Variants in UBE2E2 observed in about 807,000 individuals in gnomAD.
UBE2E2 encodes ubiquitin conjugating enzyme E2 E2.
In UBE2E2, 6 loss-of-function variants were observed where a neutral mutation model predicts 24.7. That is an observed-to-expected ratio of 0.24 (90% confidence interval 0.13 to 0.48). UBE2E2 has a LOEUF of 0.48. Ranked by LOEUF, UBE2E2 falls within the 20% of genes least tolerant of loss-of-function variation. UBE2E2 has a pLI of 0.99. For missense variants in UBE2E2, 169 were observed against 245.0 expected (o/e 0.69, Z 2.07); for synonymous variants, 104 against 83.6 (o/e 1.24, Z -1.33).
At chr3:23,242,344 G>A (rs1490759556) in intron 3 of UBE2E2, among the ~76,000 whole-genome samples, 1 of 151,776 alleles carries the variant, frequency 6.6e-6, no homozygotes, top group Non-Finnish European at 1.5e-5. Context: ...CTTCAGGTGA[G>A]GTGTGAGTCA....
At chr3:23,408,584 T>C (rs1697423920) in intron 3 of UBE2E2, among the ~76,000 whole-genome samples, 2 of 152,148 alleles carry the variant, frequency 1.3e-5, no homozygotes, top group Admixed American at 6.5e-5. Context: ...TAAATCTTCT[T>C]GCTAAGATAT....
At chr3:23,272,186 G>A (rs983318799) in intron 3 of UBE2E2, among the ~76,000 whole-genome samples, 16 of 152,278 alleles carry the variant, frequency 1.1e-4, no homozygotes, top group African/African-American at 3.8e-4. Context: ...GGTGGCTGAG[G>A]CCTGGCGAGA....
At chr3:23,300,402 G>A (rs1699039632) in intron 3 of UBE2E2, among the ~76,000 whole-genome samples, 1 of 152,192 alleles carries the variant, frequency 6.6e-6, no homozygotes, top group Admixed American at 6.5e-5. Context: ...AATTTGGCAT[G>A]TTTTTGCAGT....
intron 3 of UBE2E2, among the ~76,000 whole-genome samples, chr3:23,492,423 A>G (rs570103614): frequency 1.3e-5 from 2 of 152,164 alleles, no homozygotes; most frequent in African/African-American, 2.4e-5. Context: ...GGGACTGAAC[A>G]CCTATTCTTC....
intron 3 of UBE2E2, among the ~76,000 whole-genome samples, chr3:23,439,988 G>A (rs200707141): frequency 2.1e-4 from 23 of 110,920 alleles, no homozygotes; most frequent in Admixed American, 3.3e-4. Flanking sequence ...AAAAAAAAAA[G>A]AGGCTGGGCA....
chr3:23,441,556 AATTG>A (rs1389517819), intron 3 of UBE2E2, among the ~76,000 whole-genome samples: 5 of 147,914 alleles, frequency 3.4e-5, no homozygotes, highest in African/African-American at 1.3e-4. Context: ...AAAAAAAAAG[AATTG>A]GGTAAGGAAA....
chr3:23,365,660 T>C (rs950441046), intron 3 of UBE2E2, among the ~76,000 whole-genome samples: 4 of 152,124 alleles, frequency 2.6e-5, no homozygotes, highest in African/African-American at 9.7e-5. Flanking sequence ...ATAGGAAGAA[T>C]CAAGATTGTT....
intron 3 of UBE2E2, among the ~76,000 whole-genome samples, chr3:23,271,729 A>G (rs1698248420): frequency 6.6e-6 from 1 of 152,148 alleles, no homozygotes. Context: ...CAGAGCACTG[A>G]TTGGTGTGTT....
chr3:23,430,172 C>T lies in UBE2E2; in HGVS notation c.228-69436C>T, dbSNP rs192774623. Among the ~76,000 whole-genome samples, 218 of 152,166 alleles carry T rather than the reference C, an allele frequency of 1.4e-3. 1 individual carries two copies. The highest frequency in any genetic ancestry group is 3.4e-3 in the Middle Eastern group (1 of 294). ...TGTCTAGTGCTTAAGAATATAAACT[C>T]GATGCAGACTATTTGAGCTTGGATC... On this transcript the variant is annotated intron_variant, in intron 3 of 5. Transcript: ENST00000396703.
chr3:23,416,050 C>G (rs552618098), intron 3 of UBE2E2, among the ~76,000 whole-genome samples: 8 of 152,200 alleles, frequency 5.3e-5, no homozygotes, highest in Non-Finnish European at 1.0e-4. Flanking sequence ...CGGCTTCATC[C>G]ATGTCCCTAC....
intron 3 of UBE2E2, among the ~76,000 whole-genome samples, chr3:23,487,988 TTA>T (rs1699413733): frequency 6.8e-6 from 1 of 147,852 alleles, no homozygotes; most frequent in South Asian, 2.2e-4. Context: ...TAAGGAATAT[TTA>T]AAAAAAAAAA....
At chr3:23,420,236 A>G (rs1408560837) in intron 3 of UBE2E2, among the ~76,000 whole-genome samples, 1 of 152,208 alleles carries the variant, frequency 6.6e-6, no homozygotes, top group Non-Finnish European at 1.5e-5. Context: ...GACACAGTGC[A>G]TTGCATATTG....
chr3:23,212,149 G>T (rs1436950625), intron 2 of UBE2E2, among the ~76,000 whole-genome samples: 2 of 152,074 alleles, frequency 1.3e-5, no homozygotes, highest in African/African-American at 4.8e-5. Flanking sequence ...TCTCATTTGT[G>T]ATATTATAGA....
At chr3:23,263,896 G>T (rs1168114877) in intron 3 of UBE2E2, among the ~76,000 whole-genome samples, 1 of 152,080 alleles carries the variant, frequency 6.6e-6, no homozygotes, top group Non-Finnish European at 1.5e-5. Context: ...ATAGATAAAA[G>T]CCTCCCTATT....
intron 3 of UBE2E2, among the ~76,000 whole-genome samples, chr3:23,281,524 C>G (rs1355168458): frequency 1.3e-5 from 2 of 152,118 alleles, no homozygotes; most frequent in African/African-American, 4.8e-5. Context: ...GTAGTCCCAA[C>G]TATTCTGAGA....
At chr3:23,384,248 G>T (rs918154966) in intron 3 of UBE2E2, among the ~76,000 whole-genome samples, 1 of 151,962 alleles carries the variant, frequency 6.6e-6, no homozygotes, top group African/African-American at 2.4e-5. Flanking sequence ...CTACAGCCTC[G>T]ACCTCCTGGG....
chr3:23,288,289 A>T (rs1194139903), intron 3 of UBE2E2, among the ~76,000 whole-genome samples: 1 of 152,082 alleles, frequency 6.6e-6, no homozygotes, highest in Non-Finnish European at 1.5e-5. Flanking sequence ...ACTTGACATT[A>T]TTTCAGTTTT....
intron 3 of UBE2E2, among the ~76,000 whole-genome samples, chr3:23,353,974 T>A (rs1353918679): frequency 2.0e-5 from 3 of 152,174 alleles, no homozygotes; most frequent in Middle Eastern, 3.2e-3. Flanking sequence ...TCACGCTACC[T>A]GACTTCAAAC....
chr3:23,317,756 C>T (rs545251004), intron 3 of UBE2E2, among the ~76,000 whole-genome samples: 14 of 152,070 alleles, frequency 9.2e-5, no homozygotes, highest in East Asian at 5.8e-4. Context: ...TACCTCCTAC[C>T]GGGTCTCTCC....
Sources: allele counts gnomAD v4.1 joint callset (sites outside exome capture counted in the v4.1 genomes callset), GRCh38; gene constraint gnomAD v4.1.1; transcripts MANE v1.5; gene names NCBI Gene and HGNC (gene_info 2026-07-23, HGNC 2026-07-21).